The following NOTCH4 variants were observed in gnomAD, a reference collection of about 807,000 sequenced individuals.
NOTCH4 encodes the protein neurogenic locus notch homolog protein 4.
NOTCH4 carries 138 observed loss-of-function variants against 189.0 expected under a neutral mutation model. The observed-to-expected ratio is 0.73, with a 90% CI of 0.64 to 0.84. NOTCH4 has a LOEUF of 0.84. Ranked by LOEUF, NOTCH4 falls within the 40% of genes least tolerant of loss-of-function variation. NOTCH4 has a pLI of 0.00. For synonymous variants in NOTCH4, 942 were observed against 1,032.8 expected (o/e 0.91, Z 1.69); for missense variants, 2,286 against 2,605.4 (o/e 0.88, Z 2.67).
At position 32,222,819 on chromosome 6, in the gene NOTCH4, G is replaced by A. The variant is rs2127491418; in HGVS notation, c.156-13C>T. 1 of 1,606,950 alleles carries A rather than the reference G, an allele frequency of 6.2e-7. No homozygotes were observed. The highest frequency in any genetic ancestry group is 8.5e-7 in the Non-Finnish European group (1 of 1,177,824). On this transcript the variant is annotated splice_polypyrimidine_tract_variant and intron_variant, in intron 2 of 29. Coordinates refer to ENST00000375023, the MANE Select transcript of NOTCH4 (RefSeq NM_004557.4). Reference sequence around the variant, plus strand: ...GCCAGGGGCACACCTGGGCAGGGGAGGAGAGGAAAACTCACATCACTGGTC... The same window carrying A: ...GCCAGGGGCACACCTGGGCAGGGGAAGAGAGGAAAACTCACATCACTGGTC...
Position 32,195,370 on chromosome 6 carries a change from G to C in NOTCH4, c.*67C>G, listed in dbSNP as rs1007388429. 1.1e-4 allele frequency: 154 copies of C among 1,460,002 alleles called. No individual in the cohort carries two copies. Among genetic ancestry groups the C allele is most frequent in the Non-Finnish European group, 6.3e-5 (69 of 1,088,206 alleles). The allele number at this position is 1,460,002 out of a possible 1,614,324, so 90.4% of individuals were successfully genotyped here. ...TTTTGGGGGATCCATCTTAAAACCA[G>C]GAAGGCCTTCCAGCCTGCCTTTTAA... On this transcript the variant is annotated 3_prime_UTR_variant, in exon 30 of 30. Coordinates refer to ENST00000375023, the MANE Select transcript of NOTCH4 (RefSeq NM_004557.4). This position sits in a 1 kb window ranked among gnomAD's most constrained non-coding sequence, Gnocchi z 5.4.
At chr6:32,213,661 C>G in intron 14 of NOTCH4, 27 bp downstream of exon 14, 1 of 1,609,590 alleles carries the variant, frequency 6.2e-7, no homozygotes. Flanking sequence ...CTGTGGACCC[C>G]AGCCCCATGA....
intron 5 of NOTCH4, 56 bp downstream of exon 5, chr6:32,220,700 G>A: frequency 6.2e-7 from 1 of 1,612,712 alleles, no homozygotes; most frequent in Middle Eastern, 1.7e-4. Flanking sequence ...AGTAGGGGAG[G>A]CCAGGGGCCA....
Position 32,219,794 on chromosome 6 carries a change from G to GAGAGA in NOTCH4, c.1316-13_1316-9dup. 6.2e-7 allele frequency: 1 copy of GAGAGA among 1,609,894 alleles called. No individual in the cohort carries two copies. Among genetic ancestry groups the GAGAGA allele is most frequent in the South Asian group, 1.1e-5 (1 of 90,534 alleles). On this transcript the variant is annotated splice_polypyrimidine_tract_variant and intron_variant, in intron 7 of 29. Transcript: ENST00000375023. ...GACTTGGGCCTTGCTGGGCTGGGAGGAGAGAAGAGCTGGGAGTCCACAGGG... is the reference window on the plus strand; with the variant it reads ...GACTTGGGCCTTGCTGGGCTGGGAGGAGAGAAGAGAAGAGCTGGGAGTCCACAGGG...
rs1201985586 is a variant in NOTCH4 at position 32,202,091 on chromosome 6, G to A, written c.3740C>T (p.Thr1247Ile). The A allele has an allele frequency of 6.8e-7, 1 of 1,475,924 alleles. No homozygotes were observed. Among genetic ancestry groups the A allele is most frequent in the South Asian group, 1.5e-5 (1 of 66,940 alleles). The allele number at this position is 1,475,924 out of a possible 1,614,324, so 91.4% of individuals were successfully genotyped here. A position where few individuals can be genotyped will look rare whatever the true frequency, so the allele number is the denominator to read the frequency against. Reference protein sequence around the residue: ...ECLFDGYDCETPPACTPAYDQ... With the variant: ...ECLFDGYDCEIPPACTPAYDQ... ...TCAGGCTCACGTGCAGGCTGGAGGG[G>A]TCTCACAGTCGTAGCCATCAAACAG... The change falls in exon 21 of 30, where the codon ACC becomes ATC. Residue 1247 changes from threonine (T) to isoleucine (I), a missense_variant. This residue lies in a region of NOTCH4 where 1,903 missense variants were observed against 2,261.9 expected (regional missense o/e 0.84). Transcript: ENST00000375023. This position sits in a 1 kb window ranked among gnomAD's most constrained non-coding sequence, Gnocchi z 5.7.
At position 32,202,900 on chromosome 6, in the gene NOTCH4, A is replaced by T. The variant is rs933126246; in HGVS notation, c.3232-301T>A. ...ACTAAACAGTTAATAGAATGCTATT[A>T]TATTATTATTATTATTATTTTTGAG... On this transcript the variant is annotated intron_variant, in intron 20 of 29. Coordinates refer to ENST00000375023, the MANE Select transcript of NOTCH4 (RefSeq NM_004557.4). This position sits in a 1 kb window ranked among gnomAD's most constrained non-coding sequence, Gnocchi z 5.7. 2.5e-5 allele frequency: 7 copies of T among 278,008 alleles called. No individual in the cohort carries two copies. The highest frequency in any genetic ancestry group is 4.6e-5 in the Non-Finnish European group (7 of 152,128). The allele number at this position is 278,008 out of a possible 1,614,324, so 17.2% of individuals were successfully genotyped here. A position where few individuals can be genotyped will look rare whatever the true frequency, so the allele number is the denominator to read the frequency against.
chr6:32,195,399 G>A lies in NOTCH4; in HGVS notation c.*38C>T. ...GGCCTTCCAGCCTGCCTTTTAATGG[G>A]TAATCATTTTTGGAATTCCTCCCTA... On this transcript the variant is annotated 3_prime_UTR_variant, in exon 30 of 30. Transcript: ENST00000375023. This position sits in a 1 kb window ranked among gnomAD's most constrained non-coding sequence, Gnocchi z 5.4. 2 of 1,525,188 alleles carry A rather than the reference G, an allele frequency of 1.3e-6. No homozygotes were observed. The highest frequency in any genetic ancestry group is 1.8e-6 in the Non-Finnish European group (2 of 1,136,198). The allele number at this position is 1,525,188 out of a possible 1,614,324, so 94.5% of individuals were successfully genotyped here. A position where few individuals can be genotyped will look rare whatever the true frequency, so the allele number is the denominator to read the frequency against.
Position 32,202,741 on chromosome 6 carries a change from C to A in NOTCH4, c.3232-142G>T. The A allele has an allele frequency of 1.5e-6, 1 of 687,212 alleles. No individual in the cohort carries two copies. Among genetic ancestry groups the A allele is most frequent in the Non-Finnish European group, 2.3e-6 (1 of 427,842 alleles). 42.6% of individuals were successfully genotyped at this position (687,212 alleles called of 1,614,324 possible). ...GCGCCTCAGAGAGCATCAAGTTAAT[C>A]ATTTTGTGGATGTTGAAACCATGTC... On this transcript the variant is annotated intron_variant, in intron 20 of 29. Transcript: ENST00000375023. The surrounding 1 kb of genome is among the most constrained non-coding windows in gnomAD (Gnocchi z 5.7).
At chr6:32,223,119 C>T (rs755593094) in intron 1 of NOTCH4, 33 bp from the exon 2 acceptor site, 22 of 1,557,912 alleles carry the variant, frequency 1.4e-5, no homozygotes, top group Non-Finnish European at 1.9e-5. Context: ...AATGGAAGCC[C>T]TGGGTGCTGT....
chr6:32,223,076 A>G lies in NOTCH4; in HGVS notation c.84T>C (p.Cys28=). 1 of 1,613,770 alleles carries G rather than the reference A, an allele frequency of 6.2e-7. No individual in the cohort carries two copies. Among genetic ancestry groups the G allele is most frequent in the Non-Finnish European group, 8.5e-7 (1 of 1,179,812 alleles). The change falls in exon 2 of 30, where the codon TGT becomes TGC. Residue 28 remains cysteine, a synonymous_variant. Coordinates refer to ENST00000375023, the MANE Select transcript of NOTCH4 (RefSeq NM_004557.4). ...TGGCACAGGGTTCTGGGAAACTCCCACACAGCAGCCCTGAGGGTGGAGAGG... is the reference window on the plus strand; with the variant it reads ...TGGCACAGGGTTCTGGGAAACTCCCGCACAGCAGCCCTGAGGGTGGAGAGG... ...VSVVRPRGLL[C]GSFPEPCANG...
At position 32,202,610 on chromosome 6, in the gene NOTCH4, G is replaced by C. The variant is rs758030432; in HGVS notation, c.3232-11C>G. On this transcript the variant is annotated splice_polypyrimidine_tract_variant and intron_variant, in intron 20 of 29. Transcript: ENST00000375023. This position sits in a 1 kb window ranked among gnomAD's most constrained non-coding sequence, Gnocchi z 5.7. ...GGGGCCTTCAAAACCCTGTGGAGGG[G>C]AGGGGAGATATTGGAGATGCAACTT... 5 of 1,564,040 alleles carry C rather than the reference G, an allele frequency of 3.2e-6. No homozygotes were observed. The highest frequency in any genetic ancestry group is 2.3e-5 in the East Asian group (1 of 44,084).
In NOTCH4 at chr6:32,214,484, T is replaced by TATAC. The variant is rs28383875; in HGVS notation, c.2022-230_2022-229insGTAT. On this transcript the variant is annotated intron_variant, in intron 12 of 29. Transcript: ENST00000375023. ...AGTTGGAGATATATATATATATATA[T>TATAC]ACACACATATATATTCTTTCTGTAA... Among the ~76,000 whole-genome samples the TATAC allele has an allele frequency of 7.2e-3, 1,010 of 141,106 alleles. 32 individuals carry two copies. Among genetic ancestry groups the TATAC allele is most frequent in the African/African-American group, 0.021 (758 of 36,160 alleles). 92.6% of individuals were successfully genotyped at this position (141,106 alleles called of 152,430 possible).
chr6:32,214,033 G>A, intron 13 of NOTCH4, 77 bp downstream of exon 13: 1 of 1,519,488 alleles, frequency 6.6e-7, no homozygotes, highest in African/African-American at 1.4e-5. Context: ...TGAGACTCAG[G>A]GCCCGTGGTC....
At position 32,220,647 on chromosome 6, in the gene NOTCH4, G is replaced by A. The variant is rs2127487996; in HGVS notation, c.923-6C>T. On this transcript the variant is annotated splice_region_variant and splice_polypyrimidine_tract_variant and intron_variant, in intron 5 of 29. Transcript: ENST00000375023. ...ATCTTCGGAGCAGTCCCAGCCTGCA[G>A]GGGGTTGGGGAGGGGACGAGGGCTA... is the stretch of plus-strand genomic sequence containing the variant. The A allele has an allele frequency of 6.2e-7, 1 of 1,613,286 alleles. No homozygotes were observed. Among genetic ancestry groups the A allele is most frequent in the South Asian group, 1.1e-5 (1 of 91,074 alleles).
chr6:32,215,371 C>A lies in NOTCH4; in HGVS notation c.1876G>T (p.Val626Phe). ...CACAGGTTGGGAGCACACAGGGGAACCTCACAGAGCTGGCCTGGGGTGGGA... is the reference window on the plus strand; with the variant it reads ...CACAGGTTGGGAGCACACAGGGGAAACTCACAGAGCTGGCCTGGGGTGGGA... ...PSGFTGQLCE[V>F]PLCAPNLCQP... is the part of the protein sequence containing the mutation. Residue 626 changes from valine to phenylalanine, a missense_variant, in exon 12 of 30, where the codon GTT becomes TTT. Physicochemically the swap from Val to Phe is conservative, Grantham distance 50 (BLOSUM62 -1). This residue lies in a region of NOTCH4 where 1,903 missense variants were observed against 2,261.9 expected (regional missense o/e 0.84). Transcript: ENST00000375023. 6.2e-7 allele frequency: 1 copy of A among 1,609,762 alleles called. No individual in the cohort carries two copies.
At position 32,212,427 on chromosome 6, in the gene NOTCH4, C is replaced by G; in HGVS notation, c.2680+47G>C. ...CACAGGAACGGGGCAGGTGAGAACA[C>G]CCATATTTTCTTCATTTGCTCTCCA... On this transcript the variant is annotated intron_variant, in intron 17 of 29. Coordinates refer to ENST00000375023, the MANE Select transcript of NOTCH4 (RefSeq NM_004557.4). The surrounding 1 kb of genome is among the most constrained non-coding windows in gnomAD (Gnocchi z 4.4). The G allele has an allele frequency of 1.3e-6, 2 of 1,551,588 alleles. No homozygotes were observed. Among genetic ancestry groups the G allele is most frequent in the Non-Finnish European group, 1.7e-6 (2 of 1,146,704 alleles).
rs17604492 is a variant in NOTCH4, at chr6:32,210,793, C to T, written c.2824G>A (p.Gly942Arg). The T allele has an allele frequency of 0.01, 16,136 of 1,612,974 alleles. 490 individuals carry two copies. The highest frequency in any genetic ancestry group is 0.093 in the East Asian group (4,183 of 44,862). ...CTGGGCTGGGCCATGCAGGTGGCCC[C>T]GTTCTGGCAAGGCCTGGACTCACAT... is the stretch of plus-strand genomic sequence containing the variant. The part of the protein sequence containing the change: ...NPCESRPCQN[G>R]ATCMAQPSGY... Residue 942 changes from glycine to arginine, a missense_variant, in exon 18 of 30, where the codon GGG (glycine) becomes AGG (arginine). By Grantham distance (125) the Gly-to-Arg change is moderately radical. This residue lies in a region of NOTCH4 where 1,903 missense variants were observed against 2,261.9 expected (regional missense o/e 0.84). Coordinates refer to ENST00000375023, the MANE Select transcript of NOTCH4 (RefSeq NM_004557.4). The surrounding 1 kb of genome is among the most constrained non-coding windows in gnomAD (Gnocchi z 4.8).
At position 32,195,478 on chromosome 6, in the gene NOTCH4, G is replaced by C; in HGVS notation, c.5971C>G (p.Gln1991Glu). 1 of 1,611,498 alleles carries C rather than the reference G, an allele frequency of 6.2e-7. No homozygotes were observed. The highest frequency in any genetic ancestry group is 8.5e-7 in the Non-Finnish European group (1 of 1,179,196). Residue 1991 changes from glutamine (Q) to glutamate (E), a missense_variant, in exon 30 of 30, where the codon CAA becomes GAA. Gln to Glu is a conservative substitution (Grantham distance 29). Around this residue, in one of 2 missense-constraint regions of NOTCH4, gnomAD observed 383 missense variants for 343.5 expected, o/e 1.11. Transcript: ENST00000375023. This position sits in a 1 kb window ranked among gnomAD's most constrained non-coding sequence, Gnocchi z 5.4. ...PQLDCGPPAL[Q>E]EMPINQGGEG... ...CCTCCTTGGTTTATGGGCATTTCTT[G>C]GAGGGCTGGGGGACCACAGTCAAGT...
Position 32,200,743 on chromosome 6 carries a change from C to G in NOTCH4, c.4315+88G>C. The G allele has an allele frequency of 8.9e-7, 1 of 1,124,750 alleles. No individual in the cohort carries two copies. Among genetic ancestry groups the G allele is most frequent in the Non-Finnish European group, 1.2e-6 (1 of 802,822 alleles). 69.7% of individuals were successfully genotyped at this position (1,124,750 alleles called of 1,614,324 possible). A position where few individuals can be genotyped will look rare whatever the true frequency, so the allele number is the denominator to read the frequency against. On this transcript the variant is annotated intron_variant, in intron 23 of 29. Coordinates refer to ENST00000375023, the MANE Select transcript of NOTCH4 (RefSeq NM_004557.4). This position sits in a 1 kb window ranked among gnomAD's most constrained non-coding sequence, Gnocchi z 5.0. The stretch of plus-strand genomic sequence containing the variant: ...AAAGAACATTTTCAGTCTCAGCTGT[C>G]CTGTTTGATTCAGCCTCCATTGCCT...
Sources: gnomAD v4.1 joint callset for allele counts (sites outside exome capture counted in the v4.1 genomes callset) on GRCh38, gnomAD v4.1.1 for gene constraint, gnomAD v4.1.1 regional missense constraint, Gnocchi (gnomAD v3.1) non-coding constraint, MANE v1.5 for transcripts, NCBI Gene and HGNC (gene_info 2026-07-23, HGNC 2026-07-21) for gene names.